Variants in UVRAG observed in about 807,000 individuals in gnomAD.
UVRAG encodes UV radiation resistance associated, also known as UV radiation resistance-associated gene protein.
Under a neutral mutation model 78.0 loss-of-function variants are expected in UVRAG, and 19 were observed. The ratio of observed to expected loss-of-function variants is 0.24; its 90% confidence interval spans 0.17 to 0.36. The LOEUF is 0.36. UVRAG is among the 10% of genes least tolerant of loss of function. The pLI is 1.00. For synonymous variants in UVRAG, 323 were observed against 324.6 expected (o/e 1.00, Z 0.05); for missense variants, 740 against 853.8 (o/e 0.87, Z 1.66).
chr11:75,897,171 G>A (rs1947360261), intron 5 of UVRAG, among the ~76,000 whole-genome samples: 1 of 152,218 alleles, frequency 6.6e-6, no homozygotes, highest in Admixed American at 6.5e-5. Context: ...CATATAACTT[G>A]ATCGTCTCGA....
In UVRAG at chr11:76,142,206, C is replaced by G. The variant is rs1373791243; in HGVS notation, c.*793C>G. 1 of 152,218 alleles carries G rather than the reference C, an allele frequency of 6.6e-6. No homozygotes were observed. Among genetic ancestry groups the G allele is most frequent in the Non-Finnish European group, 1.5e-5 (1 of 68,040 alleles). The allele number at this position is 152,218 out of a possible 1,614,324, so 9.4% of individuals were successfully genotyped here. ...CGAGGTTACTGCAGTCAGATGCCATCTCATCCCCTGTGGGGGCCAAAGTTT... is the reference window on the plus strand; with the variant it reads ...CGAGGTTACTGCAGTCAGATGCCATGTCATCCCCTGTGGGGGCCAAAGTTT... On this transcript the variant is annotated 3_prime_UTR_variant, in exon 15 of 15. Transcript: ENST00000356136.
chr11:76,113,063 G>C (rs2134462533), intron 13 of UVRAG, among the ~76,000 whole-genome samples: 1 of 152,166 alleles, frequency 6.6e-6, no homozygotes, highest in Admixed American at 6.5e-5. Flanking sequence ...CAAGTACATA[G>C]AAAAGCTCAA....
chr11:76,089,350 C>A (rs967061804), intron 13 of UVRAG, among the ~76,000 whole-genome samples: 2 of 152,064 alleles, frequency 1.3e-5, no homozygotes, highest in Non-Finnish European at 2.9e-5. Context: ...ATAGTGTTTT[C>A]TAAGTGTTAT....
chr11:75,883,101 A>T (rs1362432045), intron 4 of UVRAG, among the ~76,000 whole-genome samples: 1 of 152,156 alleles, frequency 6.6e-6, no homozygotes, highest in Non-Finnish European at 1.5e-5. Flanking sequence ...ATAGACTCTG[A>T]TATTAAGTAC....
chr11:76,119,344 T>C (rs547122557), intron 14 of UVRAG, among the ~76,000 whole-genome samples: 1 of 152,230 alleles, frequency 6.6e-6, no homozygotes, highest in South Asian at 2.1e-4. Context: ...TTTTCTTTCC[T>C]CCTCCGCCTC....
chr11:75,926,487 A>G (rs532920336), intron 6 of UVRAG, among the ~76,000 whole-genome samples: 6 of 152,334 alleles, frequency 3.9e-5, no homozygotes, highest in Admixed American at 6.5e-5. Flanking sequence ...ACTGACTTTA[A>G]ACAGTTTATG....
chr11:76,098,545 T>C (rs952079101), intron 13 of UVRAG, among the ~76,000 whole-genome samples: 1 of 152,206 alleles, frequency 6.6e-6, no homozygotes, highest in African/African-American at 2.4e-5. Flanking sequence ...TTTTTGGAGT[T>C]AGCTAGGAAG....
intron 6 of UVRAG, among the ~76,000 whole-genome samples, chr11:75,932,344 G>A (rs1948260401): frequency 6.6e-6 from 1 of 151,804 alleles, no homozygotes; most frequent in Non-Finnish European, 1.5e-5. Flanking sequence ...GAGTGCAGTG[G>A]TGCGATCTTG....
intron 11 of UVRAG, among the ~76,000 whole-genome samples, chr11:76,009,387 A>G (rs1279342492): frequency 6.6e-6 from 1 of 152,196 alleles, no homozygotes; most frequent in Non-Finnish European, 1.5e-5. Flanking sequence ...ATTATAGAAT[A>G]TGATCCTTAG....
intron 12 of UVRAG, among the ~76,000 whole-genome samples, chr11:76,057,118 C>T (rs1950999317): frequency 6.6e-6 from 1 of 152,184 alleles, no homozygotes; most frequent in Non-Finnish European, 1.5e-5. Flanking sequence ...CCACGTAAGG[C>T]CCTGTGGGCT....
chr11:76,053,198 C>T (rs1591180400), intron 12 of UVRAG, among the ~76,000 whole-genome samples: 1 of 151,576 alleles, frequency 6.6e-6, no homozygotes, highest in East Asian at 1.9e-4. Context: ...CCCAGCTACT[C>T]AGGAGGCTGA....
intron 5 of UVRAG, among the ~76,000 whole-genome samples, chr11:75,908,563 C>T (rs945618632): frequency 1.3e-5 from 2 of 151,974 alleles, no homozygotes; most frequent in African/African-American, 4.8e-5. Flanking sequence ...TTTCTTGTGA[C>T]ATTTTGTCTG....
intron 12 of UVRAG, among the ~76,000 whole-genome samples, chr11:76,046,586 A>G (rs561279133): frequency 6.6e-6 from 1 of 152,346 alleles, no homozygotes; most frequent in South Asian, 2.1e-4. Context: ...ATAATACTGT[A>G]ATGTTGCATA....
At chr11:75,895,787 A>G (rs976842977) in intron 5 of UVRAG, among the ~76,000 whole-genome samples, 9 of 152,134 alleles carry the variant, frequency 5.9e-5, no homozygotes, top group East Asian at 5.8e-4. Context: ...AGATACTGCA[A>G]TCTTAAGTAT....
chr11:76,023,005 A>G (rs1950272790), intron 12 of UVRAG, among the ~76,000 whole-genome samples: 1 of 152,152 alleles, frequency 6.6e-6, no homozygotes, highest in African/African-American at 2.4e-5. Flanking sequence ...AACTGATACC[A>G]GTTAGCTTCA....
intron 4 of UVRAG, among the ~76,000 whole-genome samples, chr11:75,883,465 T>G (rs992821491): frequency 6.6e-6 from 1 of 151,602 alleles, no homozygotes; most frequent in Non-Finnish European, 1.5e-5. Context: ...AAAACTTATC[T>G]ATAAAATAGC....
chr11:75,938,058 T>C (rs1422446553), intron 6 of UVRAG, among the ~76,000 whole-genome samples: 1 of 151,664 alleles, frequency 6.6e-6, no homozygotes, highest in East Asian at 1.9e-4. Context: ...TAAAAATATG[T>C]GTGTGTATAT....
chr11:75,851,001 C>G (rs1178546571), intron 1 of UVRAG, among the ~76,000 whole-genome samples: 8 of 152,324 alleles, frequency 5.3e-5, no homozygotes, highest in Non-Finnish European at 1.2e-4. Flanking sequence ...AACTGGCTTT[C>G]AGCCTGCGGG....
intron 13 of UVRAG, among the ~76,000 whole-genome samples, chr11:76,078,449 T>C (rs1016500716): frequency 1.3e-5 from 2 of 151,960 alleles, no homozygotes; most frequent in Non-Finnish European, 2.9e-5. Flanking sequence ...AAATTATTGG[T>C]TTAAAAATAT....
Sources: gnomAD v4.1 joint callset for allele counts (sites outside exome capture counted in the v4.1 genomes callset) on GRCh38, gnomAD v4.1.1 for gene constraint, MANE v1.5 for transcripts, NCBI Gene and HGNC (gene_info 2026-07-23, HGNC 2026-07-21) for gene names.